The following EXD3 variants were observed in gnomAD, a reference collection of about 807,000 sequenced individuals.
EXD3 encodes exonuclease mut-7 homolog.
In EXD3, 92 loss-of-function variants were observed where a neutral mutation model predicts 98.0. The ratio of observed to expected loss-of-function variants is 0.94; its 90% confidence interval spans 0.79 to 1.12. The LOEUF (loss-of-function observed/expected upper bound fraction) is 1.12, where lower values mean the gene tolerates loss of function less well. Among genes scored for constraint, EXD3 ranks in the 50% most tolerant of loss-of-function variants. The probability of loss-of-function intolerance (pLI) is 0.00; values close to 1 mark genes in which losing one functional copy is unlikely to be tolerated. For synonymous variants in EXD3, 569 were observed against 526.0 expected (o/e 1.08, Z -1.12); for missense variants, 1,222 against 1,191.6 (o/e 1.03, Z -0.38).
At chr9:137,329,227 G>A (rs1397295798) in intron 17 of EXD3, among the ~76,000 whole-genome samples, 2 of 17,816 alleles carry the variant, frequency 1.1e-4, no homozygotes, top group Non-Finnish European at 1.7e-4. Context: ...ACGACACGGG[G>A]CTACACGGGG....
Position 137,323,835 on chromosome 9 carries a change from C to G in EXD3, c.2074G>C (p.Gly692Arg). The G allele has an allele frequency of 6.2e-7, 1 of 1,611,716 alleles. No individual in the cohort carries two copies. The highest frequency in any genetic ancestry group is 8.5e-7 in the Non-Finnish European group (1 of 1,179,638). ...GAGCAGTCGACCGAGAGGCAGCGCC[C>G]AGCCCCGACCTGGGCCCGGAGCTGC... ...FHKLRAQVGA[G>R]RCLSVDCSLK... Residue 692 changes from glycine (G) to arginine (R), a missense_variant, in exon 19 of 22, where the codon GGG (glycine) becomes CGG (arginine). Coordinates refer to ENST00000340951, the MANE Select transcript of EXD3 (RefSeq NM_017820.5).
chr9:137,356,645 G>A (rs746247768), intron 7 of EXD3, among the ~76,000 whole-genome samples: 44 of 152,158 alleles, frequency 2.9e-4, no homozygotes, highest in Non-Finnish European at 4.3e-4. Context: ...TTCTCCCCAC[G>A]GAAGGTGGAC....
Position 137,309,756 on chromosome 9 carries a change from C to T in EXD3, c.2185-56G>A, listed in dbSNP as rs531115322. On this transcript the variant is annotated intron_variant, in intron 19 of 21. Coordinates refer to ENST00000340951, the MANE Select transcript of EXD3 (RefSeq NM_017820.5). ...GCGGGGCTTCTCCGGGTGCCCCATA[C>T]CCCAGCCCTCTGCTCGCTCCTCGAA... 7 of 1,324,690 alleles carry T rather than the reference C, an allele frequency of 5.3e-6. No individual in the cohort carries two copies. The African/African-American group carries it at 8.7e-5, about 17-fold the overall frequency. The allele number at this position is 1,324,690 out of a possible 1,614,324, so 82.1% of individuals were successfully genotyped here.
intron 3 of EXD3, among the ~76,000 whole-genome samples, chr9:137,382,902 C>T (rs1464689722): frequency 6.6e-6 from 1 of 152,190 alleles, no homozygotes; most frequent in Non-Finnish European, 1.5e-5. Flanking sequence ...CAGCCTCCTG[C>T]CCTGCTCAAG....
At chr9:137,366,773 C>G in intron 6 of EXD3, 141 bp from the exon 7 acceptor site, 1 of 1,094,186 alleles carries the variant, frequency 9.1e-7, no homozygotes, top group Admixed American at 2.8e-5. Context: ...CTCGCCCGGC[C>G]AGTGCTCACG....
At position 137,307,176 on chromosome 9, in the gene EXD3, G is replaced by T. The variant is rs769199276; in HGVS notation, c.2405C>A (p.Pro802Gln). ...LQMADLRAET[P>Q]DMLADGTRLQ... ...CCGGGTGCCGTCGGCCAGCATGTCC[G>T]GTGTCTCCGCCCGCAGGTCAGCCAT... The change falls in exon 22 of 22, where the codon CCG (proline) becomes CAG (glutamine). Residue 802 changes from proline (P) to glutamine (Q), a missense_variant. Pro to Gln is a moderately conservative substitution (Grantham distance 76, BLOSUM62 -1). Coordinates refer to ENST00000340951, the MANE Select transcript of EXD3 (RefSeq NM_017820.5). 45 of 1,586,688 alleles carry T rather than the reference G, an allele frequency of 2.8e-5. 1 individual carries two copies. The highest frequency in any genetic ancestry group is 2.3e-4 in the East Asian group (10 of 43,246).
Position 137,395,493 on chromosome 9 carries a change from A to G in EXD3, c.-47-89T>C. On this transcript the variant is annotated intron_variant, in intron 1 of 21. Transcript: ENST00000340951. This position sits in a 1 kb window ranked among gnomAD's most constrained non-coding sequence, Gnocchi z 6.5. Reference sequence around the variant, plus strand: ...CGCCCACAGCCCCTGGAGGTGGTGGAGGGAGCTGGTGCCTGGGGGGGCCCA... The same window carrying G: ...CGCCCACAGCCCCTGGAGGTGGTGGGGGGAGCTGGTGCCTGGGGGGGCCCA... 7.6e-7 allele frequency: 1 copy of G among 1,321,076 alleles called. No individual in the cohort carries two copies. Among genetic ancestry groups the G allele is most frequent in the Non-Finnish European group, 1.1e-6 (1 of 951,824 alleles). The allele number at this position is 1,321,076 out of a possible 1,614,324, so 81.8% of individuals were successfully genotyped here.
Position 137,355,613 on chromosome 9 carries a change from AGGAGGAAG to A in EXD3, c.757+647_757+654del, listed in dbSNP as rs1564508816. ...GAAAGGGCGGAAGGAGAAAGGAGGAAGGAGGAAGGGAGGATGGAGGAAGGAGGAAGGAG... is the reference window on the plus strand; with the variant it reads ...GAAAGGGCGGAAGGAGAAAGGAGGAAGGAGGATGGAGGAAGGAGGAAGGAG... On this transcript the variant is annotated intron_variant, in intron 8 of 21. Coordinates refer to ENST00000340951, the MANE Select transcript of EXD3 (RefSeq NM_017820.5). 1.2e-3 allele frequency among the ~76,000 whole-genome samples: 59 copies of A among 49,940 alleles called. 1 individual carries two copies. Among genetic ancestry groups the A allele is most frequent in the Non-Finnish European group, 1.5e-3 (43 of 27,970 alleles). The allele number at this position is 49,940 out of a possible 152,430, so 32.8% of individuals were successfully genotyped here.
chr9:137,358,838 A>G (rs992150548), intron 7 of EXD3, among the ~76,000 whole-genome samples: 2 of 151,718 alleles, frequency 1.3e-5, no homozygotes, highest in Non-Finnish European at 2.9e-5. Flanking sequence ...GGCATGCCCC[A>G]CCACGGCTGG....
intron 11 of EXD3, 142 bp from the exon 12 acceptor site, chr9:137,352,343 G>A: frequency 8.1e-7 from 1 of 1,230,588 alleles, no homozygotes; most frequent in Non-Finnish European, 1.1e-6. Flanking sequence ...GCTCAGTCCA[G>A]CCCAGCGTGA....
intron 2 of EXD3, among the ~76,000 whole-genome samples, chr9:137,391,377 C>T (rs1018467051): frequency 7.2e-5 from 11 of 152,204 alleles, no homozygotes; most frequent in Non-Finnish European, 1.3e-4. Flanking sequence ...TCCCCAGCCC[C>T]AGGCACCTCA....
intron 19 of EXD3, among the ~76,000 whole-genome samples, chr9:137,314,031 C>A (rs996847081): frequency 2.0e-5 from 3 of 152,074 alleles, no homozygotes; most frequent in African/African-American, 4.8e-5. Context: ...CCCTGGCAAG[C>A]CCCTGGGTGG....
intron 1 of EXD3, among the ~76,000 whole-genome samples, chr9:137,399,662 ATTGGACTT>A (rs1263882165): frequency 5.9e-5 from 9 of 152,296 alleles, no homozygotes; most frequent in African/African-American, 2.2e-4. Context: ...AAGAGGTTTA[ATTGGACTT>A]ATGGTTCCAC....
intron 1 of EXD3, among the ~76,000 whole-genome samples, chr9:137,418,984 C>T (rs1838376516): frequency 6.6e-6 from 1 of 152,128 alleles, no homozygotes; most frequent in Non-Finnish European, 1.5e-5. Flanking sequence ...TGATATTTGA[C>T]TTCCCAAAAC....
In EXD3 at chr9:137,356,157, G is replaced by A. The variant is rs563501186; in HGVS notation, c.757+111C>T. 1.6e-5 allele frequency: 12 copies of A among 754,848 alleles called. No individual in the cohort carries two copies. In the South Asian group the frequency reaches 2.1e-4, roughly 13 times the overall value. 46.8% of individuals were successfully genotyped at this position (754,848 alleles called of 1,614,324 possible). A position where few individuals can be genotyped will look rare whatever the true frequency, so the allele number is the denominator to read the frequency against. On this transcript the variant is annotated intron_variant, in intron 8 of 21. Transcript: ENST00000340951. ...CAGGGAGGGGCTCTCTGGGAAGGTTGGTCTTGGTTGGCACCTGAACAACGG... is the reference window on the plus strand; with the variant it reads ...CAGGGAGGGGCTCTCTGGGAAGGTTAGTCTTGGTTGGCACCTGAACAACGG...
rs367998221 is a variant in EXD3, at chr9:137,347,451, C to CT, written c.1998+619dup. ...TCTGTGTTCCATTCCTGCTTTTTTT[C>CT]TTTTTTTTTTAAGATGGAGTCTTGC... On this transcript the variant is annotated intron_variant, in intron 17 of 21. Transcript: ENST00000340951. The surrounding 1 kb of genome is among the most constrained non-coding windows in gnomAD (Gnocchi z 4.2). 0.028 allele frequency among the ~76,000 whole-genome samples: 4,163 copies of CT among 148,392 alleles called. 161 individuals are homozygous for CT. Among genetic ancestry groups the CT allele is most frequent in the African/African-American group, 0.089 (3,600 of 40,512 alleles).
rs1223622725 is a variant in EXD3 at position 137,405,465 on chromosome 9, C to A, written c.-47-10061G>T. 2.6e-5 allele frequency among the ~76,000 whole-genome samples: 4 copies of A among 152,244 alleles called. No individual in the cohort carries two copies. The highest frequency in any genetic ancestry group is 5.9e-5 in the Non-Finnish European group (4 of 68,046). The stretch of plus-strand genomic sequence containing the variant: ...GAGCCGCGGACGGAGCCCAGGGCGG[C>A]CGTCGCAGGCCACTCACCCGTCCCC... On this transcript the variant is annotated intron_variant, in intron 1 of 21. Coordinates refer to ENST00000340951, the MANE Select transcript of EXD3 (RefSeq NM_017820.5). This position sits in a 1 kb window ranked among gnomAD's most constrained non-coding sequence, Gnocchi z 4.1.
At chr9:137,416,290 C>G (rs1283289141) in intron 1 of EXD3, among the ~76,000 whole-genome samples, 4 of 152,238 alleles carry the variant, frequency 2.6e-5, no homozygotes, top group Non-Finnish European at 4.4e-5. Context: ...CCCGAGGTTC[C>G]CAGAGTGAGG....
At chr9:137,387,452 C>T (rs976967511) in intron 2 of EXD3, among the ~76,000 whole-genome samples, 1 of 152,192 alleles carries the variant, frequency 6.6e-6, no homozygotes, top group Admixed American at 6.5e-5. Flanking sequence ...GGCTCAGACA[C>T]GGCCATGCTG....
Sources: gnomAD v4.1 joint callset for allele counts (sites outside exome capture counted in the v4.1 genomes callset) on GRCh38, gnomAD v4.1.1 for gene constraint, Gnocchi (gnomAD v3.1) non-coding constraint, MANE v1.5 for transcripts, NCBI Gene and HGNC (gene_info 2026-07-23, HGNC 2026-07-21) for gene names.